ZHX2: variants seen among roughly 807,000 people sequenced by gnomAD.
The protein encoded by ZHX2 is zinc fingers and homeoboxes 2.
A neutral mutation model predicts 21.9 loss-of-function variants in ZHX2; 6 were observed. That is an observed-to-expected ratio of 0.27 (90% CI 0.15 to 0.54). ZHX2 has a LOEUF of 0.54. Among genes scored for constraint, ZHX2 ranks in the 20% least tolerant of loss-of-function variants. The probability of loss-of-function intolerance (pLI) is 0.95; values close to 1 mark genes in which losing one functional copy is unlikely to be tolerated. For synonymous variants in ZHX2, 434 were observed against 437.1 expected, an observed-to-expected ratio of 0.99 and a Z score of 0.09; for missense variants, 908 against 1,090.7, an observed-to-expected ratio of 0.83 and a Z score of 2.36.
chr8:122,833,561 G>A (rs1818426111), intron 1 of ZHX2, among the ~76,000 whole-genome samples: 1 of 152,168 alleles, frequency 6.6e-6, no homozygotes, highest in Non-Finnish European at 1.5e-5. Context: ...GAGGTTGGAG[G>A]AGTAGAAGAA....
chr8:122,958,757 CAG>C (rs969698565), intron 3 of ZHX2, among the ~76,000 whole-genome samples: 4 of 152,346 alleles, frequency 2.6e-5, no homozygotes, highest in Admixed American at 2.0e-4. Context: ...CCAGAACAAA[CAG>C]AGTGTGGTCA....
rs187759838 is a variant in ZHX2 at position 122,970,401 on chromosome 8, G to C, written c.*5-2841G>C. The stretch of plus-strand genomic sequence containing the variant: ...GGGCCAGACTCCACAGGGAGCGGAT[G>C]GGGGGGTCAGCCTGCTTGCTTTGCA... On this transcript the variant is annotated intron_variant, in intron 3 of 3. Transcript: ENST00000314393. Among the ~76,000 whole-genome samples the C allele has an allele frequency of 7.4e-4, 112 of 151,970 alleles. 1 individual carries two copies. The highest frequency in any genetic ancestry group is 2.3e-3 in the South Asian group (11 of 4,824).
chr8:122,848,369 C>T (rs1818804100), intron 1 of ZHX2, among the ~76,000 whole-genome samples: 1 of 152,212 alleles, frequency 6.6e-6, no homozygotes. Flanking sequence ...TCCTTTGCTT[C>T]TTGCTCTCCC....
At chr8:122,781,200 C>A (rs375679440), upstream of ZHX2, 2 of 152,280 alleles carry the variant, frequency 1.3e-5, no homozygotes, top group African/African-American at 4.8e-5. The surrounding 1 kb of genome is among the most constrained non-coding windows in gnomAD (Gnocchi z 4.6). Context: ...GCCCGGGTAC[C>A]GCCAGAGCCG....
At chr8:122,868,251 G>A (rs1819344657) in intron 2 of ZHX2, among the ~76,000 whole-genome samples, 1 of 152,064 alleles carries the variant, frequency 6.6e-6, no homozygotes, top group African/African-American at 2.4e-5. Context: ...CAGAAGGATG[G>A]GCTTTACTTG....
At chr8:122,873,897 T>C (rs1267896575) in intron 2 of ZHX2, among the ~76,000 whole-genome samples, 3 of 152,208 alleles carry the variant, frequency 2.0e-5, no homozygotes, top group Non-Finnish European at 4.4e-5. Context: ...GTTTTTCTTA[T>C]GCTGCAGAAC....
chr8:122,866,932 C>A (rs543310126), intron 2 of ZHX2, among the ~76,000 whole-genome samples: 1 of 152,212 alleles, frequency 6.6e-6, no homozygotes, highest in African/African-American at 2.4e-5. Context: ...TTGAACAATT[C>A]TCTTGCCTCA....
chr8:122,870,480 T>TA lies in ZHX2; in HGVS notation c.-220+6951dup, dbSNP rs935177588. Among the ~76,000 whole-genome samples, 484 of 143,596 alleles carry TA rather than the reference T, an allele frequency of 3.4e-3. 2 individuals are homozygous for TA. The highest frequency in any genetic ancestry group is 0.011 in the African/African-American group (438 of 39,186). The allele number at this position is 143,596 out of a possible 152,430, so 94.2% of individuals were successfully genotyped here. A position where few individuals can be genotyped will look rare whatever the true frequency, so the allele number is the denominator to read the frequency against. On this transcript the variant is annotated intron_variant, in intron 2 of 3. Transcript: ENST00000314393. The stretch of plus-strand genomic sequence containing the variant: ...CCCCATCTCCACTAAAAATTAAAAA[T>TA]AAAAAAAAAATAGCTGGGCGTAGTG...
intron 2 of ZHX2, among the ~76,000 whole-genome samples, chr8:122,941,068 T>TAAA (rs11375328): frequency 8.2e-5 from 11 of 133,572 alleles, no homozygotes; most frequent in East Asian, 4.3e-4. Context: ...CTATCTCTAT[T>TAAA]AAAAAAAAAA....
intron 2 of ZHX2, among the ~76,000 whole-genome samples, chr8:122,938,376 G>A (rs1366755770): frequency 6.6e-6 from 1 of 152,180 alleles, no homozygotes; most frequent in Admixed American, 6.5e-5. Context: ...GAAAGTCTGG[G>A]GCTCTGGAGT....
intron 2 of ZHX2, among the ~76,000 whole-genome samples, chr8:122,866,165 A>G (rs1819290496): frequency 6.6e-6 from 1 of 152,216 alleles, no homozygotes; most frequent in South Asian, 2.1e-4. Context: ...TTCCATTGAT[A>G]CAGATGGAGA....
chr8:122,960,736 G>A (rs1813421216), intron 3 of ZHX2, among the ~76,000 whole-genome samples: 1 of 152,140 alleles, frequency 6.6e-6, no homozygotes, highest in African/African-American at 2.4e-5. Context: ...TCACAGAAGT[G>A]CAGAGGTTAA....
intron 3 of ZHX2, among the ~76,000 whole-genome samples, chr8:122,962,251 G>A (rs1035293556): frequency 5.3e-5 from 8 of 152,174 alleles, no homozygotes; most frequent in Non-Finnish European, 1.2e-4. Context: ...TGCACCCAAT[G>A]TGTGCTCTTT....
chr8:122,851,499 A>G (rs528406765), intron 1 of ZHX2, among the ~76,000 whole-genome samples: 2 of 152,258 alleles, frequency 1.3e-5, no homozygotes, highest in East Asian at 3.9e-4. Flanking sequence ...CCATCCCTTT[A>G]TTCTGGTTTT....
chr8:122,954,838 G>A (rs1813252736), intron 3 of ZHX2, among the ~76,000 whole-genome samples: 1 of 150,678 alleles, frequency 6.6e-6, no homozygotes, highest in Admixed American at 6.6e-5. Flanking sequence ...ACATGAAGAG[G>A]TTGTTTCTTT....
At chr8:122,890,074 T>C (rs570372021) in intron 2 of ZHX2, among the ~76,000 whole-genome samples, 30 of 152,164 alleles carry the variant, frequency 2.0e-4, no homozygotes, top group Admixed American at 3.9e-4. Flanking sequence ...TTTTTTCTAG[T>C]AGTTTTATAG....
intron 3 of ZHX2, among the ~76,000 whole-genome samples, chr8:122,961,279 A>G (rs532701099): frequency 2.0e-5 from 3 of 152,304 alleles, no homozygotes; most frequent in East Asian, 3.9e-4. Context: ...CACCAGTCCT[A>G]TGAGATTAGG....
chr8:122,881,195 T>A (rs921276804), intron 2 of ZHX2, among the ~76,000 whole-genome samples: 8 of 152,330 alleles, frequency 5.3e-5, no homozygotes, highest in East Asian at 1.9e-4. Context: ...CATCAGTACC[T>A]ATAAAACCCC....
intron 1 of ZHX2, among the ~76,000 whole-genome samples, chr8:122,805,215 A>G (rs553763191): frequency 6.6e-6 from 1 of 152,288 alleles, no homozygotes; most frequent in East Asian, 1.9e-4. Flanking sequence ...GAAATAGAGC[A>G]TTGTCAAGCA....
Sources: gnomAD v4.1 joint callset for allele counts (sites outside exome capture counted in the v4.1 genomes callset) on GRCh38, gnomAD v4.1.1 for gene constraint, Gnocchi (gnomAD v3.1) non-coding constraint, MANE v1.5 for transcripts, NCBI Gene and HGNC (gene_info 2026-07-23, HGNC 2026-07-21) for gene names.